ATP8B4: variants seen among roughly 807,000 people sequenced by gnomAD.
The protein encoded by ATP8B4 is ATPase phospholipid transporting 8B4 (putative).
In ATP8B4, 133 loss-of-function variants were observed where a neutral mutation model predicts 145.6. The observed-to-expected ratio is 0.91, with a 90% CI of 0.79 to 1.05. The LOEUF (loss-of-function observed/expected upper bound fraction) is 1.05. Ranked by LOEUF, ATP8B4 falls within the 50% of genes least tolerant of loss-of-function variation. The pLI is 0.00. For missense variants in ATP8B4, 1,458 were observed against 1,425.2 expected (o/e 1.02, Z -0.37); for synonymous variants, 507 against 492.9 (o/e 1.03, Z -0.38).
chr15:49,921,445 A>G (rs1213802752), intron 17 of ATP8B4, among the ~76,000 whole-genome samples: 1 of 152,178 alleles, frequency 6.6e-6, no homozygotes, highest in African/African-American at 2.4e-5. Flanking sequence ...AAAAGAGGAG[A>G]CTGGTATTTG....
chr15:50,068,285 G>A (rs542554642), intron 3 of ATP8B4, among the ~76,000 whole-genome samples: 46 of 152,316 alleles, frequency 3.0e-4, no homozygotes, highest in South Asian at 6.2e-4. Flanking sequence ...TTGTAGCACT[G>A]ACTGCTGGGG....
At chr15:50,083,201 AG>A (rs1248921704) in intron 2 of ATP8B4, among the ~76,000 whole-genome samples, 5 of 152,164 alleles carry the variant, frequency 3.3e-5, no homozygotes, top group African/African-American at 1.2e-4. Flanking sequence ...GCCTTCCTGT[AG>A]TGCGTGTTTC....
In ATP8B4 at chr15:49,962,007, A is replaced by G. The variant is rs2044121888; in HGVS notation, c.1257T>C (p.Asp419=). 1 of 1,594,852 alleles carries G rather than the reference A, an allele frequency of 6.3e-7. No homozygotes were observed. Among genetic ancestry groups the G allele is most frequent in the Non-Finnish European group, 8.5e-7 (1 of 1,174,174 alleles). The change falls in exon 14 of 28, where the codon GAT becomes GAC. Residue 419 remains aspartate, a synonymous_variant. Transcript: ENST00000284509. Reference sequence around the variant, plus strand: ...TTATTTCTGTCTTCTGATCCAGGTCATCATGTACTTCACCTGACAAAACAA... The same window carrying G: ...TTATTTCTGTCTTCTGATCCAGGTCGTCATGTACTTCACCTGACAAAACAA... The part of the protein sequence containing the change: ...INGRIYGEVH[D]DLDQKTEITQ...
chr15:49,900,038 T>C (rs2037847405), intron 21 of ATP8B4, among the ~76,000 whole-genome samples: 1 of 152,190 alleles, frequency 6.6e-6, no homozygotes, highest in Non-Finnish European at 1.5e-5. Flanking sequence ...CCTTTCCATA[T>C]TGTGGTCTCT....
intron 6 of ATP8B4, among the ~76,000 whole-genome samples, chr15:50,018,323 G>A (rs552253444): frequency 2.6e-4 from 39 of 151,992 alleles, no homozygotes; most frequent in Non-Finnish European, 5.4e-4. Flanking sequence ...TGGCATATGC[G>A]GTATCATCAC....
chr15:50,151,231 C>T (rs1353071473), intron 1 of ATP8B4, among the ~76,000 whole-genome samples: 1 of 152,158 alleles, frequency 6.6e-6, no homozygotes, highest in African/African-American at 2.4e-5. Flanking sequence ...AAACAATGCA[C>T]AGAGTTACAA....
At chr15:50,026,705 A>G (rs533443726) in intron 6 of ATP8B4, among the ~76,000 whole-genome samples, 50 of 152,356 alleles carry the variant, frequency 3.3e-4, no homozygotes, top group African/African-American at 1.2e-3. Context: ...TAGCCAATTC[A>G]TGACAGAGCA....
chr15:50,047,260 G>T (rs1027836903), intron 4 of ATP8B4, 91 bp downstream of exon 4: 1 of 776,920 alleles, frequency 1.3e-6, no homozygotes. Flanking sequence ...ACCTAATCAC[G>T]AACATTTAGC....
At chr15:49,977,359 GA>G (rs1429078223) in intron 12 of ATP8B4, among the ~76,000 whole-genome samples, 1 of 151,994 alleles carries the variant, frequency 6.6e-6, no homozygotes, top group Admixed American at 6.6e-5. Flanking sequence ...TTTGGTAAGA[GA>G]AAAGCTCTCA....
At chr15:49,881,724 GT>G (rs2035451874) in intron 23 of ATP8B4, among the ~76,000 whole-genome samples, 1 of 152,154 alleles carries the variant, frequency 6.6e-6, no homozygotes, top group African/African-American at 2.4e-5. Context: ...TTTAGCAGAG[GT>G]ATCTGAAAGA....
intron 16 of ATP8B4, among the ~76,000 whole-genome samples, chr15:49,927,263 A>G (rs2040810759): frequency 6.6e-6 from 1 of 152,094 alleles, no homozygotes; most frequent in South Asian, 2.1e-4. Context: ...TGGTATTGAA[A>G]TTATACATTG....
chr15:49,914,827 C>T (rs1003622471), intron 20 of ATP8B4, among the ~76,000 whole-genome samples: 1 of 151,958 alleles, frequency 6.6e-6, no homozygotes, highest in African/African-American at 2.4e-5. Flanking sequence ...ATAACAGATG[C>T]TGGTAAAGGG....
chr15:49,961,927 A>T, intron 14 of ATP8B4, 50 bp downstream of exon 14: 1 of 1,444,020 alleles, frequency 6.9e-7, no homozygotes, highest in Non-Finnish European at 9.5e-7. Context: ...TCTTAAAAGT[A>T]CATATAATTT....
chr15:49,968,650 C>G (rs568846127), intron 13 of ATP8B4, among the ~76,000 whole-genome samples: 1 of 152,282 alleles, frequency 6.6e-6, no homozygotes, highest in East Asian at 1.9e-4. Context: ...TACAAACAGA[C>G]TTAGACTCCC....
intron 17 of ATP8B4, among the ~76,000 whole-genome samples, 188 bp downstream of exon 17, chr15:49,923,191 G>A (rs1246795328): frequency 6.6e-6 from 1 of 152,156 alleles, no homozygotes; most frequent in African/African-American, 2.4e-5. Context: ...CTTCCAACGG[G>A]GCAGAAAGGG....
intron 1 of ATP8B4, among the ~76,000 whole-genome samples, chr15:50,154,736 G>A (rs1293599080): frequency 7.3e-5 from 11 of 151,528 alleles, no homozygotes; most frequent in South Asian, 4.2e-4. Flanking sequence ...GTGCAGTGAC[G>A]TGATCTCAAC....
intron 1 of ATP8B4, among the ~76,000 whole-genome samples, chr15:50,170,846 C>G (rs918759583): frequency 6.6e-6 from 1 of 152,134 alleles, no homozygotes; most frequent in African/African-American, 2.4e-5. Flanking sequence ...CATAAACTTA[C>G]AGTAATGGGG....
intron 1 of ATP8B4, among the ~76,000 whole-genome samples, chr15:50,159,078 G>C (rs560672064): frequency 6.6e-6 from 1 of 151,916 alleles, no homozygotes; most frequent in Non-Finnish European, 1.5e-5. Context: ...CCCCCTCTGC[G>C]AGAAACACCC....
intron 25 of ATP8B4, among the ~76,000 whole-genome samples, chr15:49,868,535 T>C (rs28391048): frequency 0.033 from 4,997 of 152,212 alleles, 294 homozygotes; most frequent in African/African-American, 0.12. Context: ...AAATAGTTAG[T>C]TCTAGATGAG....
Sources: gnomAD v4.1 joint callset for allele counts (sites outside exome capture counted in the v4.1 genomes callset) on GRCh38, gnomAD v4.1.1 for gene constraint, MANE v1.5 for transcripts, NCBI Gene and HGNC (gene_info 2026-07-23, HGNC 2026-07-21) for gene names.